Variants in WDR7 observed in about 807,000 individuals in gnomAD.
WDR7 encodes WD repeat domain 7.
Under a neutral mutation model 169.4 loss-of-function variants are expected in WDR7, and 46 were observed. The ratio of observed to expected loss-of-function variants is 0.27; its 90% CI spans 0.21 to 0.35. The LOEUF (loss-of-function observed/expected upper bound fraction) is 0.35, where lower values mean the gene tolerates loss of function less well. Ranked by LOEUF, WDR7 falls within the 10% of genes least tolerant of loss-of-function variation. The pLI is 1.00. For synonymous variants in WDR7, 612 were observed against 666.8 expected (o/e 0.92, Z 1.27); for missense variants, 1,534 against 1,859.3 (o/e 0.83, Z 3.22).
At chr18:56,800,077 C>A (rs1024710857) in intron 19 of WDR7, among the ~76,000 whole-genome samples, 1 of 151,946 alleles carries the variant, frequency 6.6e-6, no homozygotes, top group Non-Finnish European at 1.5e-5. Context: ...AGTTTATATT[C>A]TCTTTATACA....
At chr18:56,914,831 T>A (rs1175000184) in intron 21 of WDR7, among the ~76,000 whole-genome samples, 1 of 152,264 alleles carries the variant, frequency 6.6e-6, no homozygotes, top group Admixed American at 6.5e-5. Flanking sequence ...CCTATTTTGG[T>A]CTGCCATCCA....
At chr18:56,795,954 TA>T (rs2044577906) in intron 19 of WDR7, among the ~76,000 whole-genome samples, 2 of 152,220 alleles carry the variant, frequency 1.3e-5, no homozygotes, top group Admixed American at 6.5e-5. Flanking sequence ...AACATAATGT[TA>T]AATAGGAAAT....
In WDR7 at chr18:56,896,935, G is replaced by C. The variant is rs182994551; in HGVS notation, c.3526+16770G>C. On this transcript the variant is annotated intron_variant, in intron 21 of 27. Transcript: ENST00000254442. ...TGATTGTAACATAGGTCACTGACAA[G>C]AGATGGTTAAATATCTTTATATTTA... Among the ~76,000 whole-genome samples the C allele has an allele frequency of 3.3e-5, 5 of 151,904 alleles. No homozygotes were observed. The East Asian group carries it at 9.7e-4, about 29-fold the overall frequency.
At chr18:56,888,355 G>A (rs2046224579) in intron 21 of WDR7, among the ~76,000 whole-genome samples, 2 of 152,224 alleles carry the variant, frequency 1.3e-5, no homozygotes, top group Non-Finnish European at 2.9e-5. Flanking sequence ...GTTACGTTGT[G>A]CCCTTGGGTA....
intron 27 of WDR7, among the ~76,000 whole-genome samples, chr18:57,021,219 G>T (rs1314832177): frequency 1.2e-4 from 18 of 152,186 alleles, no homozygotes; most frequent in Non-Finnish European, 4.4e-5. Flanking sequence ...TCAGTGTTCA[G>T]GGTGGGTCAG....
At chr18:56,916,165 C>A (rs1413619867) in intron 21 of WDR7, among the ~76,000 whole-genome samples, 1 of 152,132 alleles carries the variant, frequency 6.6e-6, no homozygotes, top group South Asian at 2.1e-4. Flanking sequence ...ATGTGCACAA[C>A]GTGCAGTTTT....
intron 18 of WDR7, among the ~76,000 whole-genome samples, chr18:56,780,718 G>A (rs7240768): frequency 0.58 from 88,622 of 151,636 alleles, 26,793 homozygotes; most frequent in South Asian, 0.69. Flanking sequence ...AAGTATTACT[G>A]GAGCCCGGGA....
At chr18:56,919,040 A>C (rs945944225) in intron 21 of WDR7, among the ~76,000 whole-genome samples, 1 of 152,216 alleles carries the variant, frequency 6.6e-6, no homozygotes, top group Non-Finnish European at 1.5e-5. Flanking sequence ...CTGTGTGTGC[A>C]GTATTTGCTA....
chr18:56,673,334 G>A (rs984930984), intron 2 of WDR7, among the ~76,000 whole-genome samples: 4 of 152,270 alleles, frequency 2.6e-5, no homozygotes, highest in African/African-American at 9.6e-5. Flanking sequence ...TAGCTGGTAT[G>A]GAATGTGGGG....
intron 21 of WDR7, among the ~76,000 whole-genome samples, chr18:56,921,967 T>C (rs997404636): frequency 1.3e-5 from 2 of 152,140 alleles, no homozygotes; most frequent in African/African-American, 4.8e-5. Context: ...TGAAATGCTG[T>C]AAAAGATTGT....
chr18:57,001,393 A>C (rs2145887204), intron 26 of WDR7, among the ~76,000 whole-genome samples: 1 of 152,104 alleles, frequency 6.6e-6, no homozygotes, highest in African/African-American at 2.4e-5. Flanking sequence ...AAAACTTGAA[A>C]ATGCGTTCTG....
At chr18:56,842,113 T>C (rs1359911889) in intron 20 of WDR7, among the ~76,000 whole-genome samples, 1 of 152,202 alleles carries the variant, frequency 6.6e-6, no homozygotes, top group Non-Finnish European at 1.5e-5. Context: ...CATCAACATA[T>C]TTGTTTTCAT....
At chr18:56,967,550 C>T (rs2047427535) in intron 26 of WDR7, among the ~76,000 whole-genome samples, 1 of 152,102 alleles carries the variant, frequency 6.6e-6, no homozygotes, top group Non-Finnish European at 1.5e-5. Flanking sequence ...AATCTTCCCT[C>T]TATCAATATT....
chr18:56,673,824 C>T (rs2025187065), intron 2 of WDR7, among the ~76,000 whole-genome samples: 1 of 149,744 alleles, frequency 6.7e-6, no homozygotes, highest in Non-Finnish European at 1.5e-5. Context: ...GACCTTGTCT[C>T]CAAAAAAAAA....
chr18:56,807,778 A>G (rs1272311851), intron 19 of WDR7, among the ~76,000 whole-genome samples: 1 of 152,072 alleles, frequency 6.6e-6, no homozygotes, highest in African/African-American at 2.4e-5. Flanking sequence ...TTTGAGCTTG[A>G]AGACATTCTG....
chr18:56,815,621 C>T (rs1159248781), intron 19 of WDR7, among the ~76,000 whole-genome samples: 1 of 152,164 alleles, frequency 6.6e-6, no homozygotes, highest in African/African-American at 2.4e-5. Flanking sequence ...TTCATCTTTC[C>T]TCCCAACTCC....
chr18:56,897,323 T>C (rs2046343908), intron 21 of WDR7, among the ~76,000 whole-genome samples: 1 of 151,976 alleles, frequency 6.6e-6, no homozygotes, highest in Non-Finnish European at 1.5e-5. Flanking sequence ...TGTACAAGCA[T>C]GTTCATAGCA....
intron 16 of WDR7, among the ~76,000 whole-genome samples, chr18:56,773,869 C>T (rs1599033122): frequency 6.6e-6 from 1 of 152,152 alleles, no homozygotes; most frequent in East Asian, 1.9e-4. Context: ...TTCTTAACTT[C>T]TAATTTTTTC....
chr18:56,756,440 A>T, intron 14 of WDR7, 143 bp from the exon 15 acceptor site: 1 of 685,246 alleles, frequency 1.5e-6, no homozygotes, highest in Non-Finnish European at 2.3e-6. Context: ...TGGCAAAGTT[A>T]GTATGTTACT....
Sources: gnomAD v4.1 joint callset for allele counts (sites outside exome capture counted in the v4.1 genomes callset) on GRCh38, gnomAD v4.1.1 for gene constraint, MANE v1.5 for transcripts, NCBI Gene and HGNC (gene_info 2026-07-23, HGNC 2026-07-21) for gene names.